Variants in PRDM16 observed in about 807,000 individuals in gnomAD.
PRDM16 encodes the protein PR/SET domain 16, also known as histone-lysine N-methyltransferase PRDM16.
PRDM16 carries 23 observed loss-of-function variants against 110.6 expected under a neutral mutation model. That is an observed-to-expected ratio of 0.21 (90% CI 0.15 to 0.29). The LOEUF is 0.29. Among genes scored for constraint, PRDM16 ranks in the 10% least tolerant of loss-of-function variants. PRDM16 has a pLI of 1.00. For synonymous variants in PRDM16, 799 were observed against 781.8 expected, an observed-to-expected ratio of 1.02 and a Z score of -0.37; for missense variants, 1,615 against 1,794.3, an observed-to-expected ratio of 0.90 and a Z score of 1.81.
chr1:3,325,986 A>G (rs1484041764), intron 3 of PRDM16, among the ~76,000 whole-genome samples: 5 of 138,584 alleles, frequency 3.6e-5, no homozygotes, highest in African/African-American at 5.5e-5. Flanking sequence ...GCCATCCTCG[A>G]CCATCCTTGG....
chr1:3,169,506 G>A (rs1644000517), intron 1 of PRDM16, among the ~76,000 whole-genome samples: 1 of 152,210 alleles, frequency 6.6e-6, no homozygotes, highest in Non-Finnish European at 1.5e-5. Context: ...CCTGGGGCAT[G>A]TGCTGGCTTC....
At chr1:3,106,379 TGAG>T (rs1431314049) in intron 1 of PRDM16, among the ~76,000 whole-genome samples, 5 of 152,108 alleles carry the variant, frequency 3.3e-5, no homozygotes, top group Admixed American at 1.3e-4. Flanking sequence ...CTGGTGCTTC[TGAG>T]GAGGACTGGG....
chr1:3,113,874 C>T (rs939787865), intron 1 of PRDM16, among the ~76,000 whole-genome samples: 3 of 152,258 alleles, frequency 2.0e-5, no homozygotes, highest in African/African-American at 7.2e-5. Context: ...GCTCTGGAAT[C>T]GAAGGAGTTA....
chr1:3,098,693 C>G (rs1642463279), intron 1 of PRDM16, among the ~76,000 whole-genome samples: 1 of 152,240 alleles, frequency 6.6e-6, no homozygotes, highest in South Asian at 2.1e-4. Flanking sequence ...CTCCTGAGGT[C>G]TACACGGGGG....
chr1:3,251,985 T>A (rs988506422), intron 3 of PRDM16, among the ~76,000 whole-genome samples: 2 of 152,194 alleles, frequency 1.3e-5, no homozygotes, highest in African/African-American at 4.8e-5. Context: ...CCTCCTAAGA[T>A]ACCTGCCAAA....
intron 3 of PRDM16, among the ~76,000 whole-genome samples, chr1:3,276,992 C>T (rs1044886041): frequency 2.6e-5 from 4 of 152,172 alleles, no homozygotes; most frequent in African/African-American, 2.4e-5. Flanking sequence ...ATCACCAATC[C>T]GTTTGATTGA....
At chr1:3,102,926 C>T (rs1015461135) in intron 1 of PRDM16, among the ~76,000 whole-genome samples, 3 of 152,228 alleles carry the variant, frequency 2.0e-5, no homozygotes, top group African/African-American at 7.2e-5. Flanking sequence ...CCTGACAGCC[C>T]CGGTGATGTG....
chr1:3,400,999 A>G lies in PRDM16; in HGVS notation c.677-1792A>G, dbSNP rs540621135. ...GGTGGGTGGGTGCGTGCCATCCAGT[A>G]TGCCTGCTGTGGTCTCTTGGGGCCA... On this transcript the variant is annotated intron_variant, in intron 5 of 16. Coordinates refer to ENST00000270722, the MANE Select transcript of PRDM16 (RefSeq NM_022114.4). Among the ~76,000 whole-genome samples the G allele has an allele frequency of 3.9e-5, 6 of 152,196 alleles. No homozygotes were observed. The East Asian group carries it at 1.2e-3, about 29-fold the overall frequency.
chr1:3,277,607 G>C (rs1640614504), intron 3 of PRDM16, among the ~76,000 whole-genome samples: 1 of 152,254 alleles, frequency 6.6e-6, no homozygotes, highest in Admixed American at 6.5e-5. Context: ...TCCAGGGACA[G>C]GGTCAGTGAA....
intron 10 of PRDM16, 151 bp downstream of exon 10, chr1:3,414,798 C>A: frequency 1.5e-6 from 1 of 645,906 alleles, no homozygotes; most frequent in Non-Finnish European, 2.7e-6. Context: ...GGAGGATTCT[C>A]TCCCTGAGGC....
At chr1:3,227,550 G>C (rs1386406843) in intron 2 of PRDM16, among the ~76,000 whole-genome samples, 1 of 152,244 alleles carries the variant, frequency 6.6e-6, no homozygotes, top group Non-Finnish European at 1.5e-5. Context: ...CCGCAGCTGC[G>C]GCGGGGCTCT....
At position 3,359,796 on chromosome 1, in the gene PRDM16, T is replaced by C. The variant is rs1324571850; in HGVS notation, c.439-25356T>C. ...GAAGGCAAGGCGGGAAAAACGAGCC[T>C]GGCCTGAAACCACGCCCGTGCTCAA... is the stretch of plus-strand genomic sequence containing the variant. On this transcript the variant is annotated intron_variant, in intron 3 of 16. Coordinates refer to ENST00000270722, the MANE Select transcript of PRDM16 (RefSeq NM_022114.4). This position sits in a 1 kb window ranked among gnomAD's most constrained non-coding sequence, Gnocchi z 4.3. Among the ~76,000 whole-genome samples, 1 of 150,354 alleles carries C rather than the reference T, an allele frequency of 6.7e-6. No homozygotes were observed. The highest frequency in any genetic ancestry group is 1.9e-4 in the East Asian group (1 of 5,172).
In PRDM16 at chr1:3,243,114, A is replaced by G. The variant is rs1466519689; in HGVS notation, c.388-973A>G. Among the ~76,000 whole-genome samples the G allele has an allele frequency of 6.6e-6, 1 of 152,134 alleles. No individual in the cohort carries two copies. Among genetic ancestry groups the G allele is most frequent in the Non-Finnish European group, 1.5e-5 (1 of 68,008 alleles). ...GCGACCTGGGAGGAAGAACGAGCCG[A>G]CTGCTGGCCCACTCCAGCCTCCCTG... is the stretch of plus-strand genomic sequence containing the variant. On this transcript the variant is annotated intron_variant, in intron 2 of 16. Coordinates refer to ENST00000270722, the MANE Select transcript of PRDM16 (RefSeq NM_022114.4). This position sits in a 1 kb window ranked among gnomAD's most constrained non-coding sequence, Gnocchi z 5.5.
rs1046242530 is a variant in PRDM16, at chr1:3,190,683, G to A, written c.387+4209G>A. Among the ~76,000 whole-genome samples the A allele has an allele frequency of 3.3e-5, 5 of 152,144 alleles. No homozygotes were observed. The highest frequency in any genetic ancestry group is 5.9e-5 in the Non-Finnish European group (4 of 68,032). ...TGGCCTCCTCCATCTGGACACAGCCGGGCTCAGTCTCTTCCCAAATACCAC... is the reference window on the plus strand; with the variant it reads ...TGGCCTCCTCCATCTGGACACAGCCAGGCTCAGTCTCTTCCCAAATACCAC... On this transcript the variant is annotated intron_variant, in intron 2 of 16. Transcript: ENST00000270722. This position sits in a 1 kb window ranked among gnomAD's most constrained non-coding sequence, Gnocchi z 5.0.
chr1:3,162,118 T>A (rs1023335481), intron 1 of PRDM16, among the ~76,000 whole-genome samples: 3 of 151,870 alleles, frequency 2.0e-5, no homozygotes, highest in African/African-American at 7.3e-5. Context: ...ACAAATGTAA[T>A]CTTTGTCATT....
intron 1 of PRDM16, among the ~76,000 whole-genome samples, chr1:3,153,361 C>A (rs1557487340): frequency 6.6e-6 from 1 of 152,230 alleles, no homozygotes; most frequent in African/African-American, 2.4e-5. Flanking sequence ...TGTGTCTACA[C>A]ATGTGTCTGA....
chr1:3,426,364 AGGGTGAG>A, intron 14 of PRDM16, 139 bp downstream of exon 14: 1 of 616,576 alleles, frequency 1.6e-6, no homozygotes, highest in Non-Finnish European at 2.7e-6. Context: ...CTCACCACAG[AGGGTGAG>A]GCCCCTGGGC....
intron 16 of PRDM16, among the ~76,000 whole-genome samples, chr1:3,432,537 C>T (rs1313238741): frequency 1.3e-5 from 2 of 152,238 alleles, no homozygotes; most frequent in Non-Finnish European, 2.9e-5. Flanking sequence ...TCCAGCCGGG[C>T]AGTCTCTGCT....
At chr1:3,227,418 C>T (rs1223697207) in intron 2 of PRDM16, among the ~76,000 whole-genome samples, 1 of 152,266 alleles carries the variant, frequency 6.6e-6, no homozygotes, top group African/African-American at 2.4e-5. Context: ...GCTCCTTGAC[C>T]CCCACGGGCC....
Sources: gnomAD v4.1 joint callset for allele counts (sites outside exome capture counted in the v4.1 genomes callset) on GRCh38, gnomAD v4.1.1 for gene constraint, Gnocchi (gnomAD v3.1) non-coding constraint, MANE v1.5 for transcripts, NCBI Gene and HGNC (gene_info 2026-07-23, HGNC 2026-07-21) for gene names.